FGF14: variants seen among roughly 807,000 people sequenced by gnomAD.
FGF14 encodes fibroblast growth factor homologous factor 4.
A neutral mutation model predicts 25.5 loss-of-function variants in FGF14; 5 were observed. The ratio of observed to expected loss-of-function variants is 0.20; its 90% CI spans 0.10 to 0.41. The LOEUF is 0.41. Ranked by LOEUF, FGF14 falls within the 10% of genes least tolerant of loss-of-function variation. FGF14 has a pLI of 1.00. For missense variants in FGF14, 222 were observed against 320.1 expected (o/e 0.69, Z 2.34); for synonymous variants, 138 against 118.3 (o/e 1.17, Z -1.08).
In FGF14 at chr13:101,719,085, G is replaced by A. The variant is rs2034827979; in HGVS notation, c.*3746C>T. Reference sequence around the variant, plus strand: ...ATTTTCATCTTGTTCTCAACTGGATGTTAGTCAATGTGGTCTCTTTTTGAA... The same window carrying A: ...ATTTTCATCTTGTTCTCAACTGGATATTAGTCAATGTGGTCTCTTTTTGAA... On this transcript the variant is annotated 3_prime_UTR_variant, in exon 5 of 5. Coordinates refer to ENST00000376143, the MANE Select transcript of FGF14 (RefSeq NM_004115.4). 6.6e-6 allele frequency: 1 copy of A among 152,132 alleles called. No homozygotes were observed. The highest frequency in any genetic ancestry group is 1.5e-5 in the Non-Finnish European group (1 of 68,016). The allele number at this position is 152,132 out of a possible 1,614,324, so 9.4% of individuals were successfully genotyped here. A position where few individuals can be genotyped will look rare whatever the true frequency, so the allele number is the denominator to read the frequency against.
intron 1 of FGF14, among the ~76,000 whole-genome samples, chr13:102,337,780 G>A (rs1452103724): frequency 1.3e-5 from 2 of 152,072 alleles, no homozygotes; most frequent in East Asian, 1.9e-4. Flanking sequence ...ACATAAAGGC[G>A]AGACTCTCCA....
chr13:101,891,716 G>T (rs956732635), intron 1 of FGF14, among the ~76,000 whole-genome samples: 6 of 151,822 alleles, frequency 4.0e-5, no homozygotes, highest in African/African-American at 9.7e-5. Flanking sequence ...ATATACATAT[G>T]TATACACACA....
chr13:102,166,364 C>T (rs1209486697), intron 1 of FGF14, among the ~76,000 whole-genome samples: 2 of 151,120 alleles, frequency 1.3e-5, no homozygotes, highest in African/African-American at 2.4e-5. Flanking sequence ...TATTATAACC[C>T]CAAAATCAAT....
intron 1 of FGF14, among the ~76,000 whole-genome samples, chr13:102,257,166 G>C (rs2141097759): frequency 6.6e-6 from 1 of 151,864 alleles, no homozygotes; most frequent in South Asian, 2.1e-4. Flanking sequence ...TATAATGGTA[G>C]GTATACACAG....
intron 1 of FGF14, among the ~76,000 whole-genome samples, chr13:101,912,918 T>C (rs9557756): frequency 0.31 from 47,037 of 151,910 alleles, 7,537 homozygotes; most frequent in East Asian, 0.46. Context: ...CTCTCAAGAT[T>C]TGAGAGCCTA....
intron 1 of FGF14, among the ~76,000 whole-genome samples, chr13:102,047,622 T>C (rs1183552944): frequency 6.6e-6 from 1 of 152,064 alleles, no homozygotes; most frequent in Non-Finnish European, 1.5e-5. Flanking sequence ...AGGTGGGAAT[T>C]GAACAACGAG....
At chr13:102,326,693 GGGAA>G (rs372687332) in intron 1 of FGF14, among the ~76,000 whole-genome samples, 3,135 of 28,746 alleles carry the variant, frequency 0.11, 148 homozygotes, top group Non-Finnish European at 0.13. Flanking sequence ...GGGAAGGGAA[GGGAA>G]GGAAGGAAGG....
At chr13:101,770,969 AATTAT>A (rs1004988028) in intron 3 of FGF14, among the ~76,000 whole-genome samples, 2 of 152,112 alleles carry the variant, frequency 1.3e-5, no homozygotes, top group Admixed American at 6.6e-5. Flanking sequence ...ACAGATTTAA[AATTAT>A]ATTAAACTAT....
chr13:102,078,987 T>C (rs1368126904), intron 1 of FGF14, among the ~76,000 whole-genome samples: 1 of 152,110 alleles, frequency 6.6e-6, no homozygotes, highest in Non-Finnish European at 1.5e-5. Context: ...GATATAGAAA[T>C]GGTCAGGAAG....
In FGF14 at chr13:101,916,682, GGGAGGACGGCGAGCCGGGGGCACC is replaced by G; in HGVS notation, c.-61_-38del. Reference sequence around the variant, plus strand: ...GAACGGGTCCGGGGAGGGAGGGCGCGGGAGGACGGCGAGCCGGGGGCACCGGAGGGGAAGGCGGCGGCGCAGACC... The same window carrying G: ...GAACGGGTCCGGGGAGGGAGGGCGCGGGAGGGGAAGGCGGCGGCGCAGACC... On this transcript the variant is annotated 5_prime_UTR_variant, in exon 1 of 5. Transcript: ENST00000376143. 6.8e-7 allele frequency: 1 copy of G among 1,466,232 alleles called. No homozygotes were observed. Among genetic ancestry groups the G allele is most frequent in the Admixed American group, 2.5e-5 (1 of 40,564 alleles). 90.8% of individuals were successfully genotyped at this position (1,466,232 alleles called of 1,614,324 possible). A position where few individuals can be genotyped will look rare whatever the true frequency, so the allele number is the denominator to read the frequency against.
intron 1 of FGF14, among the ~76,000 whole-genome samples, chr13:102,116,333 G>T (rs2045468351): frequency 6.6e-6 from 1 of 152,084 alleles, no homozygotes; most frequent in Non-Finnish European, 1.5e-5. Flanking sequence ...ATTGCCATAT[G>T]ATCAGTAATT....
intron 1 of FGF14, among the ~76,000 whole-genome samples, chr13:101,907,643 G>A (rs1215747669): frequency 6.6e-6 from 1 of 152,114 alleles, no homozygotes; most frequent in African/African-American, 2.4e-5. Context: ...CTCTTTCAAA[G>A]AGTTTTGCCA....
chr13:102,366,560 T>G (rs1270562488), intron 1 of FGF14: 1 of 148,206 alleles, frequency 6.7e-6, no homozygotes, highest in Admixed American at 6.8e-5. Flanking sequence ...CTTTACACAA[T>G]TATTCTCTCC....
intron 1 of FGF14, among the ~76,000 whole-genome samples, chr13:102,058,617 T>C (rs776239259): frequency 2.6e-5 from 4 of 152,210 alleles, no homozygotes; most frequent in African/African-American, 4.8e-5. Flanking sequence ...CCATCACTAT[T>C]ACCTCTTAGT....
At chr13:102,052,885 A>G (rs950804304) in intron 1 of FGF14, among the ~76,000 whole-genome samples, 2 of 152,278 alleles carry the variant, frequency 1.3e-5, no homozygotes, top group East Asian at 3.9e-4. Flanking sequence ...GGAGTACTCT[A>G]ATACTGTAAT....
intron 3 of FGF14, among the ~76,000 whole-genome samples, chr13:101,745,427 A>G (rs1252339773): frequency 6.6e-6 from 1 of 152,082 alleles, no homozygotes; most frequent in African/African-American, 2.4e-5. Flanking sequence ...GTTTTGTCAA[A>G]TGTATAAAGT....
chr13:102,118,308 AAAG>A (rs1302052254), intron 1 of FGF14, among the ~76,000 whole-genome samples: 7 of 152,008 alleles, frequency 4.6e-5, no homozygotes, highest in African/African-American at 1.7e-4. Context: ...TTAATGTTAA[AAAG>A]AGAGAGAAAA....
chr13:102,038,180 A>G (rs2041565100), intron 1 of FGF14, among the ~76,000 whole-genome samples: 1 of 152,222 alleles, frequency 6.6e-6, no homozygotes, highest in Admixed American at 6.5e-5. Context: ...TCATAAATCC[A>G]TTCTAAAGCC....
At chr13:101,733,568 C>T (rs2035956703) in intron 3 of FGF14, among the ~76,000 whole-genome samples, 1 of 144,790 alleles carries the variant, frequency 6.9e-6, no homozygotes, top group Admixed American at 7.1e-5. Flanking sequence ...GCACTCCAGC[C>T]TGGCGACAGA....
Sources: allele counts gnomAD v4.1 joint callset (sites outside exome capture counted in the v4.1 genomes callset), GRCh38; gene constraint gnomAD v4.1.1; transcripts MANE v1.5; gene names NCBI Gene and HGNC (gene_info 2026-07-23, HGNC 2026-07-21).